Variants in SLC25A15 observed in about 807,000 individuals in gnomAD.
The protein encoded by SLC25A15 is mitochondrial ornithine transporter 1.
SLC25A15 carries 24 observed loss-of-function variants against 32.3 expected under a neutral mutation model. That is an observed-to-expected ratio of 0.74 (90% CI 0.54 to 1.04). SLC25A15 has a LOEUF of 1.04. Ranked by LOEUF, SLC25A15 falls within the 50% of genes least tolerant of loss-of-function variation. SLC25A15 has a pLI of 0.00. For missense variants in SLC25A15, 317 were observed against 374.5 expected (o/e 0.85, Z 1.27); for synonymous variants, 132 against 142.1 (o/e 0.93, Z 0.51).
At chr13:40,797,910 C>T (rs890925346) in intron 2 of SLC25A15, among the ~76,000 whole-genome samples, 3 of 152,200 alleles carry the variant, frequency 2.0e-5, no homozygotes, top group Admixed American at 6.5e-5. Context: ...GTTCCCACGA[C>T]GCCAACCCTA....
At chr13:40,793,402 GATAC>G in intron 2 of SLC25A15, 121 bp downstream of exon 2, 2 of 873,764 alleles carry the variant, frequency 2.3e-6, no homozygotes, top group South Asian at 2.9e-5. Context: ...GATACATTTA[GATAC>G]ATAAATACCA....
At chr13:40,809,411 C>G in intron 6 of SLC25A15, 132 bp from the exon 7 acceptor site, 1 of 1,118,508 alleles carries the variant, frequency 8.9e-7, no homozygotes, top group South Asian at 1.2e-5. Flanking sequence ...GGGAATGCAT[C>G]CTTCTATGAC....
chr13:40,805,248 A>T lies in SLC25A15; in HGVS notation c.445A>T (p.Ser149Cys). The change falls in exon 4 of 7, where the codon AGC becomes TGC. Residue 149 changes from serine (S) to cysteine (C), a missense_variant. Ser to Cys is a moderately radical substitution (Grantham distance 112). Coordinates refer to ENST00000338625, the MANE Select transcript of SLC25A15 (RefSeq NM_014252.4). ...EMETSGKIAK[S>C]QNTVWSVIKS... ...GGAGACATCAGGGAAGATAGCCAAG[A>T]GCCAGAAGTAAGCACCACTTGGGCA... The T allele has an allele frequency of 6.2e-7, 1 of 1,614,194 alleles. No homozygotes were observed. Among genetic ancestry groups the T allele is most frequent in the Non-Finnish European group, 8.5e-7 (1 of 1,180,032 alleles).
At chr13:40,801,134 G>A (rs1881868221) in intron 3 of SLC25A15, among the ~76,000 whole-genome samples, 1 of 151,780 alleles carries the variant, frequency 6.6e-6, no homozygotes, top group Non-Finnish European at 1.5e-5. Flanking sequence ...CAGGGAGGCT[G>A]AGGTGGGAGG....
intron 3 of SLC25A15, among the ~76,000 whole-genome samples, chr13:40,800,326 G>A (rs1881830499): frequency 6.6e-6 from 1 of 152,234 alleles, no homozygotes; most frequent in African/African-American, 2.4e-5. Flanking sequence ...TGTAGACAGC[G>A]AGGAGGGCTG....
rs2138045646 is a variant in SLC25A15 at position 40,799,076 on chromosome 13, G to C, written c.75G>C (p.Leu25=). ...TTGCAGGAGGTACAGCATGTGTACT[G>C]ACCGGGCAGCCCTTTGACACAATGA... The part of the protein sequence containing the change: ...AGAAGGTACV[L]TGQPFDTMKV... Residue 25 remains leucine (L), a synonymous_variant, in exon 3 of 7, where the codon CTG becomes CTC. Coordinates refer to ENST00000338625, the MANE Select transcript of SLC25A15 (RefSeq NM_014252.4). The C allele has an allele frequency of 6.2e-7, 1 of 1,614,162 alleles. No individual in the cohort carries two copies. Among genetic ancestry groups the C allele is most frequent in the African/African-American group, 1.3e-5 (1 of 75,034 alleles).
chr13:40,802,955 A>G (rs1881956924), intron 3 of SLC25A15, among the ~76,000 whole-genome samples: 1 of 151,994 alleles, frequency 6.6e-6, no homozygotes, highest in African/African-American at 2.4e-5. Context: ...GGAGATTCCC[A>G]CCCACCCTTA....
chr13:40,805,124 G>T lies in SLC25A15; in HGVS notation c.321G>T (p.Leu107=), dbSNP rs750924937. 1.2e-6 allele frequency: 2 copies of T among 1,614,054 alleles called. No homozygotes were observed. Among genetic ancestry groups the T allele is most frequent in the East Asian group, 4.5e-5 (2 of 44,880 alleles). ...TCTGCTTGTGTGCTTTCAGTGATCT[G>T]CAGAATGCAGCCGCCGGTTCCTTCG... ...GLDKQAKLSD[L]QNAAAGSFAS... The change falls in exon 4 of 7, where the codon CTG becomes CTT. Residue 107 remains leucine, a synonymous_variant. Transcript: ENST00000338625.
At chr13:40,804,761 A>G (rs998103604) in intron 3 of SLC25A15, among the ~76,000 whole-genome samples, 3 of 150,748 alleles carry the variant, frequency 2.0e-5, no homozygotes, top group East Asian at 3.9e-4. Context: ...CATGTTAGCC[A>G]GGATGGTCTC....
At position 40,810,490 on chromosome 13, in the gene SLC25A15, A is replaced by G. The variant is rs1291988988; in HGVS notation, c.*823A>G. 6.6e-6 allele frequency among the ~76,000 whole-genome samples: 1 copy of G among 152,138 alleles called. No homozygotes were observed. The highest frequency in any genetic ancestry group is 1.5e-5 in the Non-Finnish European group (1 of 68,010). On this transcript the variant is annotated 3_prime_UTR_variant, in exon 7 of 7. Transcript: ENST00000338625. ...TGGTTGAATTTTTTAAAAAGTGTTC[A>G]TGGGGTGCTTGAAAACTAAAATATC...
At chr13:40,805,571 T>G (rs1882144141) in intron 4 of SLC25A15, among the ~76,000 whole-genome samples, 2 of 152,166 alleles carry the variant, frequency 1.3e-5, no homozygotes, top group Admixed American at 6.5e-5. Context: ...ACATAATGGG[T>G]GGCTTTTGAA....
chr13:40,791,189 G>A (rs1881478686), intron 1 of SLC25A15, among the ~76,000 whole-genome samples: 1 of 151,906 alleles, frequency 6.6e-6, no homozygotes, highest in Non-Finnish European at 1.5e-5. Flanking sequence ...TGAAAAGACA[G>A]GACTTTGAAC....
chr13:40,809,625 A>G lies in SLC25A15; in HGVS notation c.864A>G (p.Glu288=), dbSNP rs756808391. The change falls in exon 7 of 7, where the codon GAA becomes GAG. Residue 288 remains glutamate, a synonymous_variant. Transcript: ENST00000338625. ...ATGGAGCACTCTTTTTGGCCTACGA[A>G]TATAGCAGGAAGTTGATGATGAACC... ...PANGALFLAY[E]YSRKLMMNQL... 24 of 1,612,752 alleles carry G rather than the reference A, an allele frequency of 1.5e-5. No homozygotes were observed. The highest frequency in any genetic ancestry group is 2.2e-5 in the East Asian group (1 of 44,882).
chr13:40,801,230 A>C (rs1209462023), intron 3 of SLC25A15, among the ~76,000 whole-genome samples: 1 of 117,368 alleles, frequency 8.5e-6, no homozygotes, highest in Admixed American at 8.2e-5. Context: ...TGTGTCTCTC[A>C]AAAAAAAAAA....
chr13:40,794,718 A>G lies in SLC25A15; in HGVS notation c.55+1437A>G, dbSNP rs556108112. Reference sequence around the variant, plus strand: ...TACCCTGGGCTCCCGCAGGATTCTCATAGTAGTTGCAGCTCCCTGGAGTGG... The same window carrying G: ...TACCCTGGGCTCCCGCAGGATTCTCGTAGTAGTTGCAGCTCCCTGGAGTGG... On this transcript the variant is annotated intron_variant, in intron 2 of 6. Coordinates refer to ENST00000338625, the MANE Select transcript of SLC25A15 (RefSeq NM_014252.4). Among the ~76,000 whole-genome samples, 8 of 152,292 alleles carry G rather than the reference A, an allele frequency of 5.3e-5. No homozygotes were observed. In the South Asian group the frequency reaches 1.4e-3, roughly 28 times the overall value.
intron 2 of SLC25A15, among the ~76,000 whole-genome samples, chr13:40,793,546 C>T (rs985785617): frequency 4.6e-5 from 7 of 152,148 alleles, no homozygotes; most frequent in African/African-American, 1.7e-4. Flanking sequence ...GGTGTGTATG[C>T]TCTATGATAG....
At position 40,811,817 on chromosome 13, in the gene SLC25A15, A is replaced by C. The variant is rs1882467088; in HGVS notation, c.*2150A>C. Among the ~76,000 whole-genome samples, 1 of 152,198 alleles carries C rather than the reference A, an allele frequency of 6.6e-6. No individual in the cohort carries two copies. Among genetic ancestry groups the C allele is most frequent in the Non-Finnish European group, 1.5e-5 (1 of 68,042 alleles). On this transcript the variant is annotated 3_prime_UTR_variant, in exon 7 of 7. Transcript: ENST00000338625. ...ATGTGTTTCTGTCAGCAGAATGTAC[A>C]TGTTGTACAAAACCTCCAGGTTCCT...
intron 1 of SLC25A15, among the ~76,000 whole-genome samples, chr13:40,790,210 T>TC (rs1202740104): frequency 6.6e-6 from 1 of 151,742 alleles, no homozygotes; most frequent in Non-Finnish European, 1.5e-5. Context: ...GCTGGGATCT[T>TC]CCCGCAGCAG....
intron 2 of SLC25A15, among the ~76,000 whole-genome samples, chr13:40,793,497 A>G (rs967240091): frequency 6.6e-6 from 1 of 152,228 alleles, no homozygotes; most frequent in Non-Finnish European, 1.5e-5. Flanking sequence ...GCCATACCGA[A>G]TAGCCTAGGT....
Sources: allele counts gnomAD v4.1 joint callset (sites outside exome capture counted in the v4.1 genomes callset), GRCh38; gene constraint gnomAD v4.1.1; transcripts MANE v1.5; gene names NCBI Gene and HGNC (gene_info 2026-07-23, HGNC 2026-07-21).